The following DOCK4 variants were observed in gnomAD, a reference collection of about 807,000 sequenced individuals.
The protein encoded by DOCK4 is dedicator of cytokinesis protein 4.
Under a neutral mutation model 268.1 loss-of-function variants are expected in DOCK4, and 97 were observed. That is an observed-to-expected ratio of 0.36 (90% confidence interval 0.31 to 0.43). The LOEUF is 0.43. Among genes scored for constraint, DOCK4 ranks in the 20% least tolerant of loss-of-function variants. DOCK4 has a pLI of 1.00. For synonymous variants in DOCK4, 954 were observed against 887.2 expected (o/e 1.08, Z -1.34); for missense variants, 2,145 against 2,455.7 (o/e 0.87, Z 2.67).
At chr7:111,999,237 CAATT>C (rs1394473149) in intron 3 of DOCK4, among the ~76,000 whole-genome samples, 2 of 151,998 alleles carry the variant, frequency 1.3e-5, no homozygotes, top group Non-Finnish European at 2.9e-5. Flanking sequence ...ATGACAAACT[CAATT>C]AAATATTTAA....
intron 1 of DOCK4, among the ~76,000 whole-genome samples, chr7:112,027,174 CTG>C (rs1802873151): frequency 6.6e-6 from 1 of 152,164 alleles, no homozygotes; most frequent in African/African-American, 2.4e-5. Flanking sequence ...GAAAAAGGAA[CTG>C]TGTGTAGAGA....
At chr7:112,175,822 T>C (rs1331975608) in intron 1 of DOCK4, among the ~76,000 whole-genome samples, 1 of 152,026 alleles carries the variant, frequency 6.6e-6, no homozygotes, top group Non-Finnish European at 1.5e-5. Context: ...ATCCCCTTTT[T>C]AATCTAAAAG....
intron 31 of DOCK4, 59 bp downstream of exon 31, chr7:111,790,398 A>G (rs182170697): frequency 6.3e-7 from 1 of 1,578,600 alleles, no homozygotes; most frequent in Non-Finnish European, 8.6e-7. Context: ...CCAGAAGTTC[A>G]CAGATGCTTC....
chr7:111,899,734 C>G (rs1053840024), intron 15 of DOCK4, among the ~76,000 whole-genome samples: 2 of 152,050 alleles, frequency 1.3e-5, no homozygotes, highest in Non-Finnish European at 2.9e-5. Flanking sequence ...ACCAGCCTGA[C>G]CAATATGGTG....
intron 31 of DOCK4, chr7:111,789,216 A>G (rs990649030): frequency 5.8e-6 from 1 of 173,186 alleles, no homozygotes; most frequent in African/African-American, 2.4e-5. Flanking sequence ...TCTTTGCTGA[A>G]GTTGAGAACT....
chr7:111,903,474 T>C (rs1292157680), intron 13 of DOCK4, among the ~76,000 whole-genome samples: 1 of 152,216 alleles, frequency 6.6e-6, no homozygotes, highest in Non-Finnish European at 1.5e-5. Flanking sequence ...ACTTTAAAAA[T>C]TATATTTGTG....
At chr7:111,919,457 T>C (rs969333551) in intron 12 of DOCK4, among the ~76,000 whole-genome samples, 4 of 151,910 alleles carry the variant, frequency 2.6e-5, no homozygotes, top group Admixed American at 2.6e-4. Context: ...ACAGGACAAA[T>C]AGACAAAATA....
intron 1 of DOCK4, among the ~76,000 whole-genome samples, chr7:112,148,830 A>C (rs184558540): frequency 1.1e-3 from 170 of 152,310 alleles, no homozygotes; most frequent in Non-Finnish European, 1.9e-3. Context: ...GTTCACTGTC[A>C]ATTCAAATTG....
rs1190373173 is a variant in DOCK4 at position 112,206,105 on chromosome 7, C to A, written c.34G>T (p.Val12Leu). The A allele has an allele frequency of 2.5e-6, 4 of 1,584,300 alleles. No individual in the cohort carries two copies. Among genetic ancestry groups the A allele is most frequent in the Non-Finnish European group, 3.4e-6 (4 of 1,165,016 alleles). ...WIPTEHEKYG[V>L]VIASFRGTVP... ...AGTTCGCCCCGCGGAGACTCACCCACGCCGTATTTCTCGTGCTCCGTAGGT... is the reference window on the plus strand; with the variant it reads ...AGTTCGCCCCGCGGAGACTCACCCAAGCCGTATTTCTCGTGCTCCGTAGGT... Residue 12 changes from valine to leucine, a missense_variant, in exon 1 of 53, where the codon GTG becomes TTG. Val to Leu is a conservative substitution (Grantham distance 32, BLOSUM62 1). This residue lies in a region of DOCK4 where 1,598 missense variants were observed against 1,986.7 expected (regional missense o/e 0.80). Coordinates refer to ENST00000428084, the MANE Select transcript of DOCK4 (RefSeq NM_001363540.2).
chr7:112,142,891 T>C (rs1329981946), intron 1 of DOCK4, among the ~76,000 whole-genome samples: 4 of 152,140 alleles, frequency 2.6e-5, no homozygotes, highest in Admixed American at 2.0e-4. Flanking sequence ...ATTTTTACTA[T>C]TGCATAGCAC....
chr7:112,200,169 T>A (rs965153079), intron 1 of DOCK4, among the ~76,000 whole-genome samples: 7 of 152,138 alleles, frequency 4.6e-5, no homozygotes, highest in African/African-American at 1.2e-4. Flanking sequence ...AAACTGTGGG[T>A]CAGGACCCAT....
chr7:111,797,862 C>T (rs1463319442), intron 30 of DOCK4, among the ~76,000 whole-genome samples: 1 of 152,062 alleles, frequency 6.6e-6, no homozygotes, highest in African/African-American at 2.4e-5. Context: ...AGGGATGGCT[C>T]ATTCTAAAAA....
intron 1 of DOCK4, among the ~76,000 whole-genome samples, chr7:112,122,961 A>G (rs1812877032): frequency 6.6e-6 from 1 of 152,216 alleles, no homozygotes; most frequent in Admixed American, 6.5e-5. Flanking sequence ...GTCTGCTGAA[A>G]AATTAATTCT....
rs118190078 is a variant in DOCK4 at position 111,891,131 on chromosome 7, G to A, written c.1587+4481C>T. On this transcript the variant is annotated intron_variant, in intron 16 of 52. Coordinates refer to ENST00000428084, the MANE Select transcript of DOCK4 (RefSeq NM_001363540.2). Reference sequence around the variant, plus strand: ...TTACATAAAAGTCCAGAATTAAATAGTATAAAACAAGGCTAAGTTTAAATT... The same window carrying A: ...TTACATAAAAGTCCAGAATTAAATAATATAAAACAAGGCTAAGTTTAAATT... Among the ~76,000 whole-genome samples, 61 of 151,720 alleles carry A rather than the reference G, an allele frequency of 4.0e-4. 1 individual carries two copies. In the East Asian group the frequency reaches 0.011, roughly 28 times the overall value.
At chr7:112,128,300 G>A (rs1813437165) in intron 1 of DOCK4, among the ~76,000 whole-genome samples, 2 of 151,292 alleles carry the variant, frequency 1.3e-5, no homozygotes, top group Non-Finnish European at 3.0e-5. Flanking sequence ...GGTGGGGGGG[G>A]TCAGCCCCCT....
Position 111,945,768 on chromosome 7 carries a change from G to A in DOCK4, c.732C>T (p.Asn244=), listed in dbSNP as rs180744823. ...GTTTATCAGGGGCTTTGGGAAGCCC[G>A]TTTCTATTCAGCCTCAAGAAAAATC... ...SERFFLRLNR[N]GLPKAPDKPE... is the part of the protein sequence containing the mutation. Residue 244 remains asparagine, a synonymous_variant, in exon 9 of 53, where the codon AAC becomes AAT. Coordinates refer to ENST00000428084, the MANE Select transcript of DOCK4 (RefSeq NM_001363540.2). 9.0e-5 allele frequency: 144 copies of A among 1,596,158 alleles called. No individual in the cohort carries two copies. The highest frequency in any genetic ancestry group is 7.4e-4 in the African/African-American group (55 of 74,772).
At position 111,783,968 on chromosome 7, in the gene DOCK4, C is replaced by T. The variant is rs370637183; in HGVS notation, c.3429-16G>A. Reference sequence around the variant, plus strand: ...CTTTAGTAGACTGGAAAAGAAAGAACCCGGGGCATTTTCAACATTTATTTT... The same window carrying T: ...CTTTAGTAGACTGGAAAAGAAAGAATCCGGGGCATTTTCAACATTTATTTT... On this transcript the variant is annotated splice_polypyrimidine_tract_variant and intron_variant, in intron 33 of 52. Coordinates refer to ENST00000428084, the MANE Select transcript of DOCK4 (RefSeq NM_001363540.2). 1.1e-5 allele frequency: 18 copies of T among 1,586,554 alleles called. No homozygotes were observed. In the African/African-American group the frequency reaches 2.4e-4, roughly 21 times the overall value.
At chr7:112,196,455 G>T (rs1024472955) in intron 1 of DOCK4, among the ~76,000 whole-genome samples, 1 of 152,190 alleles carries the variant, frequency 6.6e-6, no homozygotes, top group Non-Finnish European at 1.5e-5. Context: ...TCTCAATGGT[G>T]AAGTGGCATC....
intron 1 of DOCK4, among the ~76,000 whole-genome samples, chr7:112,011,004 G>T (rs983740623): frequency 6.6e-6 from 1 of 152,122 alleles, no homozygotes; most frequent in Admixed American, 6.5e-5. Context: ...TCTCCCTGTG[G>T]CTGGGAGTGC....
Sources: allele counts gnomAD v4.1 joint callset (sites outside exome capture counted in the v4.1 genomes callset), GRCh38; gene constraint gnomAD v4.1.1; regional missense constraint gnomAD v4.1.1; transcripts MANE v1.5; gene names NCBI Gene and HGNC (gene_info 2026-07-23, HGNC 2026-07-21).